ZDHHC7: variants seen among roughly 807,000 people sequenced by gnomAD.
The protein encoded by ZDHHC7 is zDHHC palmitoyltransferase 7.
Under a neutral mutation model 34.1 loss-of-function variants are expected in ZDHHC7, and 12 were observed. The ratio of observed to expected loss-of-function variants is 0.35; its 90% CI spans 0.23 to 0.57. The LOEUF is 0.57. Ranked by LOEUF, ZDHHC7 falls within the 20% of genes least tolerant of loss-of-function variation. The probability of loss-of-function intolerance (pLI) is 0.84; values close to 1 mark genes in which losing one functional copy is unlikely to be tolerated. For synonymous variants in ZDHHC7, 185 were observed against 155.4 expected (o/e 1.19, Z -1.42); for missense variants, 388 against 402.7 (o/e 0.96, Z 0.31).
intron 1 of ZDHHC7, among the ~76,000 whole-genome samples, chr16:84,997,147 A>G (rs190226931): frequency 6.6e-6 from 1 of 152,280 alleles, no homozygotes; most frequent in East Asian, 1.9e-4. Flanking sequence ...GCATAGGTAA[A>G]ATTCATATTC....
rs1474279843 is a variant in ZDHHC7 at position 84,974,987 on chromosome 16, G to A, written c.*1356C>T. 1 of 152,648 alleles carries A rather than the reference G, an allele frequency of 6.6e-6. No homozygotes were observed. Among genetic ancestry groups the A allele is most frequent in the Non-Finnish European group, 1.5e-5 (1 of 68,056 alleles). The allele number at this position is 152,648 out of a possible 1,614,324, so 9.5% of individuals were successfully genotyped here. ...GACGCCAACTTCTCTTAGTGTGGAG[G>A]GCAAGCATAAAGGAAGACCCTCAGA... On this transcript the variant is annotated 3_prime_UTR_variant, in exon 8 of 8. Coordinates refer to ENST00000313732, the MANE Select transcript of ZDHHC7 (RefSeq NM_017740.3).
the ZDHHC7 span, among the ~76,000 whole-genome samples, chr16:85,022,209 T>C: frequency 6.8e-6 from 1 of 147,052 alleles, no homozygotes; most frequent in African/African-American, 2.5e-5. Flanking sequence ...AACTAATAAA[T>C]GTAGGTGGAG....
chr16:85,022,735 A>G, the ZDHHC7 span, among the ~76,000 whole-genome samples: 2 of 152,232 alleles, frequency 1.3e-5, no homozygotes, highest in Non-Finnish European at 2.9e-5. Flanking sequence ...ACCATTGGTC[A>G]AGCATAGTAT....
In ZDHHC7 at chr16:84,974,323, C is replaced by T. The variant is rs2072265953; in HGVS notation, c.*2020G>A. The stretch of plus-strand genomic sequence containing the variant: ...GCGCTTGAGTGCCCAGGTCACTTGT[C>T]ATGGGCACAAAAGCATTTAGAGTTT... On this transcript the variant is annotated 3_prime_UTR_variant, in exon 8 of 8. Coordinates refer to ENST00000313732, the MANE Select transcript of ZDHHC7 (RefSeq NM_017740.3). 6.6e-6 allele frequency: 1 copy of T among 152,186 alleles called. No homozygotes were observed. The highest frequency in any genetic ancestry group is 1.5e-5 in the Non-Finnish European group (1 of 68,036). 9.4% of individuals were successfully genotyped at this position (152,186 alleles called of 1,614,324 possible).
intron 2 of ZDHHC7, among the ~76,000 whole-genome samples, chr16:84,992,784 G>T (rs898854088): frequency 4.6e-5 from 7 of 152,150 alleles, no homozygotes; most frequent in South Asian, 2.1e-4. Context: ...CAGAGGTCAG[G>T]TCACTACAAC....
chr16:84,978,457 G>C lies in ZDHHC7; in HGVS notation c.538-452C>G, dbSNP rs966234340. On this transcript the variant is annotated intron_variant, in intron 5 of 7. Transcript: ENST00000313732. ...ATAATTTTATAGAAAAATATAGCTG[G>C]GCATGGTGGCTCACGCCTGTAATCC... Among the ~76,000 whole-genome samples the C allele has an allele frequency of 8.5e-5, 13 of 152,294 alleles. 1 individual carries two copies. The highest frequency in any genetic ancestry group is 7.2e-4 in the Admixed American group (11 of 15,294).
intron 4 of ZDHHC7, among the ~76,000 whole-genome samples, chr16:84,981,169 A>G (rs2072362913): frequency 6.6e-6 from 1 of 152,216 alleles, no homozygotes. Flanking sequence ...CTCCAGGAGC[A>G]GAAAAAGGAG....
intron 3 of ZDHHC7, among the ~76,000 whole-genome samples, chr16:84,988,170 C>CA (rs936749553): frequency 7.5e-5 from 11 of 147,090 alleles, no homozygotes; most frequent in Admixed American, 4.7e-4. Flanking sequence ...GACTCCGTCT[C>CA]AAAAAAAAAA....
chr16:85,007,044 G>GAACCAAAATAAAGATGCTA (rs2072726414), intron 1 of ZDHHC7, among the ~76,000 whole-genome samples: 1 of 152,028 alleles, frequency 6.6e-6, no homozygotes, highest in Non-Finnish European at 1.5e-5. Context: ...GTAAGATGCT[G>GAACCAAAATAAAGATGCTA]AACCAAAATA....
chr16:84,978,046 A>AT (rs779532526), intron 5 of ZDHHC7, 41 bp from the exon 6 acceptor site: 55 of 1,519,076 alleles, frequency 3.6e-5, no homozygotes, highest in South Asian at 5.7e-5. Flanking sequence ...TTTATTTTTT[A>AT]TTTTTTTTAG....
upstream of ZDHHC7, among the ~76,000 whole-genome samples, chr16:85,014,438 G>A (rs1187231370): frequency 2.6e-5 from 4 of 152,208 alleles, no homozygotes; most frequent in East Asian, 7.7e-4. Context: ...CAGTGAAGGT[G>A]TGACAGCCAT....
At chr16:84,990,249 C>T (rs931713) in intron 3 of ZDHHC7, 55 bp downstream of exon 3, 895,020 of 1,577,732 alleles carry the variant, frequency 0.57, 259,487 homozygotes, top group African/African-American at 0.84. Context: ...CAGCCACACC[C>T]GAGGACACTA....
chr16:84,977,359 C>G, intron 6 of ZDHHC7, 134 bp from the exon 7 acceptor site: 1 of 1,164,834 alleles, frequency 8.6e-7, no homozygotes, highest in Non-Finnish European at 1.2e-6. Context: ...TCTAAATGGG[C>G]ACATTCATTG....
intron 1 of ZDHHC7, among the ~76,000 whole-genome samples, chr16:85,009,726 T>TTTTC (rs2072764214): frequency 7.2e-6 from 1 of 139,312 alleles, no homozygotes; most frequent in Non-Finnish European, 1.5e-5. Flanking sequence ...TTTTTTTTTT[T>TTTTC]GAGACGGAGT....
At chr16:85,017,624 C>G in the ZDHHC7 span, among the ~76,000 whole-genome samples, 1 of 152,202 alleles carries the variant, frequency 6.6e-6, no homozygotes, top group Admixed American at 6.5e-5. Context: ...AACGACAATA[C>G]ACATACATGC....
In ZDHHC7 at chr16:84,978,008, A is replaced by G; in HGVS notation, c.538-3T>C. 1 of 1,602,704 alleles carries G rather than the reference A, an allele frequency of 6.2e-7. No homozygotes were observed. Among genetic ancestry groups the G allele is most frequent in the Non-Finnish European group, 8.5e-7 (1 of 1,172,844 alleles). On this transcript the variant is annotated splice_region_variant and splice_polypyrimidine_tract_variant and intron_variant, in intron 5 of 7. Transcript: ENST00000313732. Reference sequence around the variant, plus strand: ...ACTGAAGACAGAGCTATATACATCTAGAATGAGGGGGAGATTGGTTAGTCA... The same window carrying G: ...ACTGAAGACAGAGCTATATACATCTGGAATGAGGGGGAGATTGGTTAGTCA...
chr16:85,023,354 AG>A, the ZDHHC7 span, among the ~76,000 whole-genome samples: 3 of 152,012 alleles, frequency 2.0e-5, no homozygotes, highest in African/African-American at 4.8e-5. Context: ...TAGTAGAGAC[AG>A]GGTTTCACCG....
intron 1 of ZDHHC7, among the ~76,000 whole-genome samples, chr16:85,003,299 G>A (rs1051708099): frequency 2.0e-5 from 3 of 152,208 alleles, no homozygotes; most frequent in Non-Finnish European, 2.9e-5. Flanking sequence ...CCTATGGGCC[G>A]TGCAAACGGG....
chr16:84,990,661 G>A (rs775131378), intron 2 of ZDHHC7, 26 bp from the exon 3 acceptor site: 2 of 1,580,294 alleles, frequency 1.3e-6, no homozygotes. Context: ...ACACAGAGCT[G>A]GTAAGGCTCA....
Sources: allele counts gnomAD v4.1 joint callset (sites outside exome capture counted in the v4.1 genomes callset), GRCh38; gene constraint gnomAD v4.1.1; transcripts MANE v1.5; gene names NCBI Gene and HGNC (gene_info 2026-07-23, HGNC 2026-07-21).